The following CNTN5 variants were observed in gnomAD, a reference collection of about 807,000 sequenced individuals.
CNTN5 encodes the protein contactin 5, also known as contactin-5.
CNTN5 carries 77 observed loss-of-function variants against 129.1 expected under a neutral mutation model. That is an observed-to-expected ratio of 0.60 (90% CI 0.50 to 0.72). The LOEUF (loss-of-function observed/expected upper bound fraction) is 0.72. Among genes scored for constraint, CNTN5 ranks in the 30% least tolerant of loss-of-function variants. The pLI, the probability that CNTN5 is intolerant of heterozygous loss-of-function variation, is 0.00. For missense variants in CNTN5, 1,478 were observed against 1,328.8 expected (o/e 1.11, Z -1.75); for synonymous variants, 509 against 465.6 (o/e 1.09, Z -1.20).
At chr11:99,608,075 A>G (rs1302536792) in intron 3 of CNTN5, among the ~76,000 whole-genome samples, 1 of 120,222 alleles carries the variant, frequency 8.3e-6, no homozygotes, top group African/African-American at 3.2e-5. Context: ...CAATGTGCAC[A>G]TGTACCCTAA....
intron 16 of CNTN5, 32 bp downstream of exon 16, chr11:100,224,844 T>A: frequency 6.2e-7 from 1 of 1,608,790 alleles, no homozygotes; most frequent in Non-Finnish European, 8.5e-7. Context: ...TCTGAAGACA[T>A]GATCACCATA....
At chr11:99,439,594 G>A (rs1421738868) in intron 2 of CNTN5, among the ~76,000 whole-genome samples, 1 of 150,366 alleles carries the variant, frequency 6.7e-6, no homozygotes, top group Non-Finnish European at 1.5e-5. Flanking sequence ...TGGAATCCCA[G>A]CTATTCAGGA....
chr11:99,125,344 T>TA (rs34985933), intron 1 of CNTN5, among the ~76,000 whole-genome samples: 13 of 149,470 alleles, frequency 8.7e-5, no homozygotes, highest in South Asian at 2.1e-4. Context: ...TCAACAGAAC[T>TA]AAAAAAAAAA....
intron 13 of CNTN5, among the ~76,000 whole-genome samples, chr11:100,183,073 C>T (rs1178061265): frequency 6.6e-6 from 1 of 152,118 alleles, no homozygotes; most frequent in African/African-American, 2.4e-5. Context: ...ATTCTACTAC[C>T]TACTTGTTAT....
At chr11:100,226,939 C>T (rs1473232272) in intron 16 of CNTN5, among the ~76,000 whole-genome samples, 6 of 151,956 alleles carry the variant, frequency 3.9e-5, no homozygotes, top group Non-Finnish European at 8.8e-5. Flanking sequence ...ATAGTATATG[C>T]CACAGGACCA....
At chr11:100,205,857 C>G (rs905989007) in intron 15 of CNTN5, among the ~76,000 whole-genome samples, 1 of 151,964 alleles carries the variant, frequency 6.6e-6, no homozygotes, top group Non-Finnish European at 1.5e-5. Flanking sequence ...GCTATGCTGT[C>G]CTGAAACCAG....
chr11:99,866,363 C>A (rs1463071782), intron 6 of CNTN5, among the ~76,000 whole-genome samples: 1 of 152,042 alleles, frequency 6.6e-6, no homozygotes, highest in Non-Finnish European at 1.5e-5. Context: ...AAAAGCTTTT[C>A]TTTTATTAAT....
chr11:99,756,163 T>G (rs374019289), intron 3 of CNTN5, among the ~76,000 whole-genome samples: 43 of 152,234 alleles, frequency 2.8e-4, no homozygotes, highest in African/African-American at 9.1e-4. Flanking sequence ...TTCTCCTGTT[T>G]AGTTTCTTAA....
chr11:100,050,154 T>G (rs1167878059), intron 9 of CNTN5, among the ~76,000 whole-genome samples: 2 of 152,186 alleles, frequency 1.3e-5, no homozygotes, highest in African/African-American at 4.8e-5. Context: ...TAAATCATGC[T>G]GCTATAAAGA....
intron 6 of CNTN5, among the ~76,000 whole-genome samples, chr11:99,909,911 T>C (rs11827463): frequency 0.34 from 50,878 of 151,824 alleles, 9,293 homozygotes; most frequent in Non-Finnish European, 0.41. Context: ...TGTATACATA[T>C]GTAACAAACC....
chr11:99,468,585 C>A (rs1453732023), intron 2 of CNTN5, among the ~76,000 whole-genome samples: 1 of 151,782 alleles, frequency 6.6e-6, no homozygotes, highest in Non-Finnish European at 1.5e-5. Context: ...TGCTTAGCTT[C>A]TTTCCACTCA....
chr11:99,427,765 C>CAAAAAAAAAAAAAAAAAAAA (rs36085825), intron 2 of CNTN5, among the ~76,000 whole-genome samples: 1 of 32,364 alleles, frequency 3.1e-5, no homozygotes, highest in East Asian at 8.5e-4. Context: ...GACTCAGTCT[C>CAAAAAAAAAAAAAAAAAAAA]AAAAAAAAAA....
intron 3 of CNTN5, among the ~76,000 whole-genome samples, chr11:99,676,823 C>T (rs1165135886): frequency 6.6e-6 from 1 of 152,036 alleles, no homozygotes; most frequent in Admixed American, 6.6e-5. Flanking sequence ...AAATTTATTA[C>T]TGAAATAAAA....
At chr11:99,452,792 A>G (rs1944357211) in intron 2 of CNTN5, among the ~76,000 whole-genome samples, 1 of 152,204 alleles carries the variant, frequency 6.6e-6, no homozygotes, top group South Asian at 2.1e-4. Flanking sequence ...AATGATTATT[A>G]TGGGAAAATT....
chr11:99,868,201 A>T (rs1948406354), intron 6 of CNTN5, among the ~76,000 whole-genome samples: 1 of 151,898 alleles, frequency 6.6e-6, no homozygotes, highest in African/African-American at 2.4e-5. Flanking sequence ...GGGCAACAAG[A>T]ACAAAACTCC....
intron 3 of CNTN5, among the ~76,000 whole-genome samples, chr11:99,803,222 C>T (rs1488239504): frequency 6.6e-6 from 1 of 152,198 alleles, no homozygotes; most frequent in Admixed American, 6.5e-5. Flanking sequence ...TGCTGCACCA[C>T]GATCTCAAGG....
chr11:99,290,602 G>C (rs941060798), intron 1 of CNTN5, among the ~76,000 whole-genome samples: 1 of 151,816 alleles, frequency 6.6e-6, no homozygotes, highest in Non-Finnish European at 1.5e-5. Context: ...TAGGGAAGAA[G>C]TGCATTACTT....
chr11:99,939,449 C>T (rs1335058189), intron 7 of CNTN5, among the ~76,000 whole-genome samples: 2 of 152,006 alleles, frequency 1.3e-5, no homozygotes, highest in Non-Finnish European at 2.9e-5. Context: ...GAATTCTTCA[C>T]ATTATTTGCA....
At position 99,825,123 on chromosome 11, in the gene CNTN5, G is replaced by A. The variant is rs78597497; in HGVS notation, c.277+5358G>A. ...TTTGGAAAAATTGCTTGTAAAAATAGTTTGTAAAAATTGCTTGTGTGCTTA... is the reference window on the plus strand; with the variant it reads ...TTTGGAAAAATTGCTTGTAAAAATAATTTGTAAAAATTGCTTGTGTGCTTA... On this transcript the variant is annotated intron_variant, in intron 4 of 24. Coordinates refer to ENST00000524871, the MANE Select transcript of CNTN5 (RefSeq NM_014361.4). Among the ~76,000 whole-genome samples, 1,299 of 152,086 alleles carry A rather than the reference G, an allele frequency of 8.5e-3. 21 individuals are homozygous for A. The highest frequency in any genetic ancestry group is 0.03 in the African/African-American group (1,251 of 41,552).
Sources: allele counts gnomAD v4.1 joint callset (sites outside exome capture counted in the v4.1 genomes callset), GRCh38; gene constraint gnomAD v4.1.1; transcripts MANE v1.5; gene names NCBI Gene and HGNC (gene_info 2026-07-23, HGNC 2026-07-21).